DMD: variants seen among roughly 807,000 people sequenced by gnomAD.
DMD encodes the protein mutant dystrophin.
DMD carries 63 observed loss-of-function variants against 330.1 expected under a neutral mutation model. The ratio of observed to expected loss-of-function variants is 0.19; its 90% CI spans 0.16 to 0.24. The LOEUF is 0.24. Ranked by LOEUF, DMD falls within the 10% of genes least tolerant of loss-of-function variation. DMD has a pLI of 1.00. For synonymous variants in DMD, 1,223 were observed against 959.8 expected, an observed-to-expected ratio of 1.27 and a Z score of -5.07; for missense variants, 3,344 against 2,684.1, an observed-to-expected ratio of 1.25 and a Z score of -5.43.
chrX:31,942,862 C>T (rs2095025123), intron 45 of DMD, among the ~76,000 whole-genome samples: 2 of 112,124 alleles, frequency 1.8e-5, no homozygotes, highest in Non-Finnish European at 3.8e-5. Flanking sequence ...ATGACATCAT[C>T]TTAATTGTAT....
At chrX:31,157,476 A>G (rs1026230536) in intron 74 of DMD, among the ~76,000 whole-genome samples, 2 of 112,110 alleles carry the variant, frequency 1.8e-5, no homozygotes, top group Admixed American at 9.4e-5. Context: ...AGGATTGGAG[A>G]GGTTTTAGAG....
At chrX:32,978,538 C>T (rs1037928060) in intron 2 of DMD, among the ~76,000 whole-genome samples, 12 of 111,347 alleles carry the variant, frequency 1.1e-4, no homozygotes, top group South Asian at 7.6e-4. Flanking sequence ...GGTGCAATCT[C>T]GGCTCGATGC....
chrX:32,658,093 T>C (rs1177940866), intron 9 of DMD, among the ~76,000 whole-genome samples: 1 of 111,859 alleles, frequency 8.9e-6, no homozygotes, highest in Non-Finnish European at 1.9e-5. Context: ...TAATTGCATA[T>C]ACAAATTAAT....
intron 9 of DMD, among the ~76,000 whole-genome samples, chrX:32,671,312 T>A (rs1365661715): frequency 9.0e-6 from 1 of 111,100 alleles, no homozygotes. Context: ...TTCAACAAAC[T>A]TCTTATTCCA....
chrX:33,015,730 A>G (rs1037558907), intron 2 of DMD, among the ~76,000 whole-genome samples: 1 of 111,955 alleles, frequency 8.9e-6, no homozygotes, highest in African/African-American at 3.2e-5. Context: ...ACCCTACATC[A>G]TGCTTATCAT....
chrX:32,907,415 A>T (rs1000519161), intron 2 of DMD, among the ~76,000 whole-genome samples: 1 of 111,978 alleles, frequency 8.9e-6, no homozygotes, highest in Non-Finnish European at 1.9e-5. Context: ...CCTTCCCTTC[A>T]TATCTCACTA....
At chrX:32,418,789 C>T (rs780819271) in intron 29 of DMD, among the ~76,000 whole-genome samples, 59 of 108,243 alleles carry the variant, frequency 5.5e-4, no homozygotes, top group African/African-American at 1.7e-3. Context: ...CTGGCTGACA[C>T]GGTGAAACCC....
At chrX:32,947,627 A>T (rs2090912356) in intron 2 of DMD, among the ~76,000 whole-genome samples, 1 of 112,446 alleles carries the variant, frequency 8.9e-6, no homozygotes, top group African/African-American at 3.2e-5. Context: ...TTCATTGAAG[A>T]ATAAAAGCAA....
chrX:32,873,279 C>T (rs1158877600), intron 2 of DMD, among the ~76,000 whole-genome samples: 1 of 110,073 alleles, frequency 9.1e-6, no homozygotes, highest in Non-Finnish European at 1.9e-5. Flanking sequence ...ACCAACATCT[C>T]TAGGATTTAA....
chrX:32,731,063 G>A (rs747038884), intron 7 of DMD, among the ~76,000 whole-genome samples: 81 of 111,463 alleles, frequency 7.3e-4, no homozygotes, highest in African/African-American at 1.9e-3. Context: ...TGCACCGTGC[G>A]CGACCCGAAG....
At chrX:32,735,286 A>C (rs1309846967) in intron 7 of DMD, among the ~76,000 whole-genome samples, 1 of 110,549 alleles carries the variant, frequency 9.0e-6, no homozygotes, top group East Asian at 2.8e-4. Flanking sequence ...AAATGGAAGA[A>C]CATTCCATGC....
intron 44 of DMD, among the ~76,000 whole-genome samples, chrX:32,100,319 TTC>T (rs1370789251): frequency 9.2e-6 from 1 of 108,421 alleles, no homozygotes; most frequent in Non-Finnish European, 1.9e-5. Flanking sequence ...GCCTACTTTT[TTC>T]TCACATAAGT....
intron 50 of DMD, among the ~76,000 whole-genome samples, chrX:31,790,131 G>A (rs1300706430): frequency 8.9e-6 from 1 of 111,803 alleles, no homozygotes; most frequent in East Asian, 2.8e-4. Context: ...AACACCTAAT[G>A]TATATATTTT....
intron 62 of DMD, among the ~76,000 whole-genome samples, chrX:31,287,335 C>T (rs1603299665): frequency 8.9e-6 from 1 of 111,838 alleles, no homozygotes; most frequent in East Asian, 2.8e-4. Context: ...CTCTGTCTGC[C>T]AAAAGAAACA....
At chrX:32,738,201 G>A (rs780610541) in intron 7 of DMD, among the ~76,000 whole-genome samples, 12 of 111,850 alleles carry the variant, frequency 1.1e-4, no homozygotes, top group African/African-American at 2.9e-4. Context: ...ATGTGGTTGC[G>A]TAGGCACAGG....
chrX:31,950,092 A>C (rs763067675), intron 45 of DMD, among the ~76,000 whole-genome samples: 6 of 110,922 alleles, frequency 5.4e-5, no homozygotes, highest in Non-Finnish European at 1.1e-4. Context: ...GCTTGAGTTA[A>C]TGATTTAAGA....
At chrX:31,374,557 TA>T (rs1379369538) in intron 60 of DMD, among the ~76,000 whole-genome samples, 2 of 105,318 alleles carry the variant, frequency 1.9e-5, no homozygotes, top group South Asian at 4.6e-4. Flanking sequence ...TCATTCTCAG[TA>T]AACTATCACA....
At chrX:31,343,608 TGTGTGTGTGTGA>T (rs1390958518) in intron 61 of DMD, among the ~76,000 whole-genome samples, 210 of 95,632 alleles carry the variant, frequency 2.2e-3, no homozygotes, top group East Asian at 6.2e-3. Context: ...TGTGTGTGTG[TGTGTGTGTGTGA>T]GAGAGAGAGA....
At chrX:32,554,453 G>A (rs1202156835) in intron 16 of DMD, among the ~76,000 whole-genome samples, 1 of 111,119 alleles carries the variant, frequency 9.0e-6, no homozygotes, top group Non-Finnish European at 1.9e-5. Context: ...TAATTCTACA[G>A]AAATACAAAC....
Sources: allele counts gnomAD v4.1 joint callset (sites outside exome capture counted in the v4.1 genomes callset), GRCh38; gene constraint gnomAD v4.1.1; transcripts MANE v1.5; gene names NCBI Gene and HGNC (gene_info 2026-07-23, HGNC 2026-07-21).